BTD: variants seen among roughly 807,000 people sequenced by gnomAD.
BTD encodes the protein biocytinase.
In BTD, 13 loss-of-function variants were observed where a neutral mutation model predicts 17.7. That is an observed-to-expected ratio of 0.74 (90% CI 0.48 to 1.17). BTD has a LOEUF of 1.17. BTD is among the 50% of genes most tolerant of loss of function. BTD has a pLI of 0.00. For missense variants in BTD, 674 were observed against 650.4 expected (o/e 1.04, Z -0.39); for synonymous variants, 240 against 245.2 (o/e 0.98, Z 0.20).
At chr3:15,696,437 T>G (rs1265330035) in intron 3 of BTD, among the ~76,000 whole-genome samples, 3 of 152,078 alleles carry the variant, frequency 2.0e-5, no homozygotes, top group Non-Finnish European at 4.4e-5. Context: ...AATGAAACAT[T>G]CATGAGAATC....
At chr3:15,677,075 AGTTATAAAAACTT>A in intron 3 of BTD, 2 of 1,602,634 alleles carry the variant, frequency 1.2e-6, no homozygotes, top group Non-Finnish European at 1.7e-6. Context: ...GTGGCAGATA[AGTTATAAAAACTT>A]GAGCACCATT....
intron 3 of BTD, among the ~76,000 whole-genome samples, chr3:15,686,682 T>C (rs548079082): frequency 4.1e-4 from 63 of 152,316 alleles, no homozygotes; most frequent in Non-Finnish European, 8.5e-4. Context: ...CATTCTCCTC[T>C]GACAGTGATC....
intron 3 of BTD, chr3:15,669,079 T>C (rs2066135458): frequency 6.6e-6 from 1 of 152,304 alleles, no homozygotes; most frequent in South Asian, 2.1e-4. Context: ...TCTCTCCAAA[T>C]AGTAACAGGT....
chr3:15,692,675 G>A lies in BTD; in HGVS notation c.400-17385G>A, dbSNP rs951067498. Among the ~76,000 whole-genome samples, 40 of 152,136 alleles carry A rather than the reference G, an allele frequency of 2.6e-4. 1 individual carries two copies. Among genetic ancestry groups the A allele is most frequent in the African/African-American group, 9.2e-4 (38 of 41,432 alleles). On this transcript the variant is annotated intron_variant, in intron 3 of 3. Transcript: ENST00000672141. ...AAGTTGTCCCGAATGGGAGAGTTTC[G>A]TGTAAGAAATTAAAGTAACTTCTGA... is the stretch of plus-strand genomic sequence containing the variant.
chr3:15,601,773 A>T lies in BTD; in HGVS notation c.-138A>T, dbSNP rs914803361. On this transcript the variant is annotated 5_prime_UTR_variant, in exon 1 of 4. The change abolishes the stop of an existing upstream ORF in the 5' untranslated region. Transcript: ENST00000643237. Reference sequence around the variant, plus strand: ...AGATTGCTGCCTATGCAAAGCAGGTAAGAAGCCGAACTCTGAGGCCTCTCG... The same window carrying T: ...AGATTGCTGCCTATGCAAAGCAGGTTAGAAGCCGAACTCTGAGGCCTCTCG... 2.5e-6 allele frequency: 4 copies of T among 1,610,634 alleles called. No homozygotes were observed. Among genetic ancestry groups the T allele is most frequent in the Non-Finnish European group, 3.4e-6 (4 of 1,178,470 alleles).
chr3:15,703,583 T>C (rs1396893193), intron 3 of BTD, among the ~76,000 whole-genome samples: 3 of 152,244 alleles, frequency 2.0e-5, no homozygotes, highest in Non-Finnish European at 4.4e-5. Flanking sequence ...AATGTGCTGG[T>C]GCCTTGATAT....
intron 1 of BTD, among the ~76,000 whole-genome samples, chr3:15,613,158 G>A (rs1172106457): frequency 1.3e-5 from 2 of 152,158 alleles, no homozygotes; most frequent in Admixed American, 1.3e-4. Context: ...GCTAGTAACA[G>A]AGTACAATTT....
chr3:15,712,289 T>C (rs1559386080), exon 4 of BTD: 3 of 1,245,842 alleles, frequency 2.4e-6, no homozygotes, highest in East Asian at 2.5e-5. Flanking sequence ...GTTAAATACA[T>C]TACAAAGAGA....
chr3:15,621,132 C>G (rs2064941057), intron 1 of BTD, among the ~76,000 whole-genome samples: 1 of 152,216 alleles, frequency 6.6e-6, no homozygotes, highest in Non-Finnish European at 1.5e-5. Flanking sequence ...TTAGATGGTG[C>G]CTGCCCACAT....
chr3:15,694,730 A>T, intron 3 of BTD: 1 of 1,611,260 alleles, frequency 6.2e-7, no homozygotes, highest in Non-Finnish European at 8.5e-7. Context: ...CTATGAAGGC[A>T]GTACTCACAG....
chr3:15,602,856 C>G (rs191847516), intron 1 of BTD, among the ~76,000 whole-genome samples: 14 of 152,186 alleles, frequency 9.2e-5, no homozygotes, highest in Admixed American at 9.2e-4. Context: ...CATTTTCATA[C>G]TGCTATAAAG....
chr3:15,677,949 A>C (rs2067125129), intron 3 of BTD, among the ~76,000 whole-genome samples: 1 of 152,118 alleles, frequency 6.6e-6, no homozygotes, highest in South Asian at 2.1e-4. Context: ...AAGATCTAGG[A>C]CTCACATTCA....
chr3:15,661,678 G>T (rs2065926820), intron 3 of BTD, among the ~76,000 whole-genome samples: 1 of 152,108 alleles, frequency 6.6e-6, no homozygotes, highest in East Asian at 1.9e-4. Context: ...TTTTTCATGG[G>T]TGGTGCCTTT....
At chr3:15,690,002 C>T (rs777127923) in intron 3 of BTD, 3 of 1,579,994 alleles carry the variant, frequency 1.9e-6, no homozygotes, top group Non-Finnish European at 2.6e-6. Flanking sequence ...ATAAATCAAG[C>T]ATAATATCTG....
At chr3:15,642,190 A>G (rs1046708606) in intron 3 of BTD, 133 bp downstream of exon 3, 2 of 1,522,160 alleles carry the variant, frequency 1.3e-6, no homozygotes, top group African/African-American at 2.8e-5. Context: ...CAAACTCCCA[A>G]AGATCCATGT....
At chr3:15,688,308 T>C (rs576786972) in intron 3 of BTD, among the ~76,000 whole-genome samples, 1 of 152,226 alleles carries the variant, frequency 6.6e-6, no homozygotes, top group Non-Finnish European at 1.5e-5. Flanking sequence ...TTTTATATTT[T>C]AGGAACAGGG....
At chr3:15,709,435 T>A (rs1205476984) in intron 3 of BTD, among the ~76,000 whole-genome samples, 1 of 152,026 alleles carries the variant, frequency 6.6e-6, no homozygotes, top group African/African-American at 2.4e-5. Context: ...TATAGAGGCA[T>A]TTATAAGGCC....
chr3:15,686,413 AC>A, intron 3 of BTD: 1 of 899,276 alleles, frequency 1.1e-6, no homozygotes, highest in South Asian at 1.6e-5. Flanking sequence ...GGATAGTTGC[AC>A]TGAATTTAAT....
chr3:15,658,667 A>G (rs1274584379), downstream of BTD, among the ~76,000 whole-genome samples: 1 of 152,146 alleles, frequency 6.6e-6, no homozygotes, highest in Non-Finnish European at 1.5e-5. Flanking sequence ...CCTCCCAGGC[A>G]AGGCACACCT....
Sources: gnomAD v4.1 joint callset for allele counts (sites outside exome capture counted in the v4.1 genomes callset) on GRCh38, gnomAD v4.1.1 for gene constraint, MANE v1.5 for transcripts, NCBI Gene and HGNC (gene_info 2026-07-23, HGNC 2026-07-21) for gene names.